The following ATG5 variants were observed in gnomAD, a reference collection of about 807,000 sequenced individuals.
The protein encoded by ATG5 is autophagy related 5, also known as autophagy protein 5.
A neutral mutation model predicts 36.5 loss-of-function variants in ATG5; 14 were observed. That is an observed-to-expected ratio of 0.38 (90% CI 0.25 to 0.60). ATG5 has a LOEUF of 0.60. Ranked by LOEUF, ATG5 falls within the 20% of genes least tolerant of loss-of-function variation. ATG5 has a pLI of 0.60. For synonymous variants in ATG5, 95 were observed against 101.5 expected (o/e 0.94, Z 0.38); for missense variants, 195 against 326.7 (o/e 0.60, Z 3.11).
At chr6:106,238,089 G>A (rs1174632650) in intron 6 of ATG5, among the ~76,000 whole-genome samples, 1 of 152,202 alleles carries the variant, frequency 6.6e-6, no homozygotes, top group Non-Finnish European at 1.5e-5. Context: ...AATCAGAAGT[G>A]AAGTCCTTTT....
chr6:106,200,245 C>T (rs1776365836), intron 7 of ATG5, among the ~76,000 whole-genome samples: 1 of 152,148 alleles, frequency 6.6e-6, no homozygotes, highest in Non-Finnish European at 1.5e-5. Flanking sequence ...CCCACTGTTC[C>T]TAATTCTACT....
At chr6:106,230,371 C>T (rs926652875) in intron 6 of ATG5, among the ~76,000 whole-genome samples, 2 of 152,178 alleles carry the variant, frequency 1.3e-5, no homozygotes, top group Non-Finnish European at 2.9e-5. Flanking sequence ...TACTCAGGAA[C>T]TCAGCCTAGC....
chr6:106,308,156 G>A (rs2114664537), intron 3 of ATG5, among the ~76,000 whole-genome samples: 1 of 152,218 alleles, frequency 6.6e-6, no homozygotes, highest in Non-Finnish European at 1.5e-5. Context: ...AAAAATATAT[G>A]AATCTGTCCA....
At chr6:106,198,396 TTTA>T (rs1776285528) in intron 7 of ATG5, among the ~76,000 whole-genome samples, 1 of 152,160 alleles carries the variant, frequency 6.6e-6, no homozygotes, top group Non-Finnish European at 1.5e-5. Context: ...GAAAAAAAGT[TTTA>T]GTTATTTAAC....
chr6:106,196,278 G>A (rs779110372), intron 7 of ATG5, among the ~76,000 whole-genome samples: 42 of 151,880 alleles, frequency 2.8e-4, no homozygotes, highest in Admixed American at 7.9e-4. Context: ...TAAAGAGTAA[G>A]GAAAAAGCAA....
At chr6:106,258,944 C>T (rs1778906300) in intron 5 of ATG5, among the ~76,000 whole-genome samples, 1 of 152,084 alleles carries the variant, frequency 6.6e-6, no homozygotes. Context: ...TTACTTGTTT[C>T]AACATGTTCA....
chr6:106,208,580 T>C (rs1582551355), intron 6 of ATG5, among the ~76,000 whole-genome samples: 1 of 151,980 alleles, frequency 6.6e-6, no homozygotes, highest in East Asian at 1.9e-4. Context: ...GGCAAAGTCA[T>C]TTTAACACTA....
At chr6:106,249,197 AG>A (rs200527521) in intron 5 of ATG5, among the ~76,000 whole-genome samples, 1,525 of 152,280 alleles carry the variant, frequency 0.01, 31 homozygotes, top group African/African-American at 0.035. Context: ...CAGTATATTC[AG>A]AGTTCAGAAC....
intron 5 of ATG5, 96 bp from the exon 6 acceptor site, chr6:106,248,340 G>C (rs2114514458): frequency 1.3e-6 from 1 of 745,212 alleles, no homozygotes; most frequent in East Asian, 2.7e-5. Context: ...CCCTCTAGAA[G>C]TTTCTGAAAG....
chr6:106,299,273 A>C (rs957753698), intron 3 of ATG5, among the ~76,000 whole-genome samples: 4 of 152,208 alleles, frequency 2.6e-5, no homozygotes, highest in Non-Finnish European at 5.9e-5. Context: ...ATTACTTATA[A>C]TACCTATTAC....
chr6:106,320,948 G>C (rs1161314886), intron 1 of ATG5, among the ~76,000 whole-genome samples: 1 of 152,218 alleles, frequency 6.6e-6, no homozygotes, highest in Non-Finnish European at 1.5e-5. Flanking sequence ...CTGACCTAGA[G>C]AGGTAGTCAT....
At chr6:106,216,396 T>A (rs1216061055) in intron 6 of ATG5, among the ~76,000 whole-genome samples, 3 of 152,194 alleles carry the variant, frequency 2.0e-5, no homozygotes, top group Non-Finnish European at 2.9e-5. Context: ...GGTATCTTCA[T>A]ACAACTATTA....
At chr6:106,218,937 T>C (rs1777143170) in intron 6 of ATG5, among the ~76,000 whole-genome samples, 1 of 151,982 alleles carries the variant, frequency 6.6e-6, no homozygotes, top group Admixed American at 6.6e-5. Flanking sequence ...AAAATACTTT[T>C]TAGATTACTG....
intron 6 of ATG5, among the ~76,000 whole-genome samples, chr6:106,242,395 T>A (rs1312276116): frequency 2.0e-5 from 3 of 152,168 alleles, no homozygotes; most frequent in Non-Finnish European, 4.4e-5. Flanking sequence ...TTGTATGAGG[T>A]ACCTATGGAT....
intron 3 of ATG5, 55 bp from the exon 4 acceptor site, chr6:106,293,161 A>G: frequency 1.4e-6 from 2 of 1,432,494 alleles, no homozygotes; most frequent in Non-Finnish European, 2.0e-6. Context: ...TATAACTACA[A>G]GGCCAAAATA....
At chr6:106,186,815 G>C in intron 7 of ATG5, 139 bp from the exon 8 acceptor site, 2 of 993,500 alleles carry the variant, frequency 2.0e-6, no homozygotes, top group South Asian at 1.7e-5. Flanking sequence ...TGTGGACATG[G>C]AGAAAGTTCA....
In ATG5 at chr6:106,318,352, A is replaced by G. The variant is rs528437010; in HGVS notation, c.-58-2086T>C. On this transcript the variant is annotated intron_variant, in intron 1 of 7. Coordinates refer to ENST00000369076, the MANE Select transcript of ATG5 (RefSeq NM_004849.4). ...TGACCATCCTGCTCTTTCTTTCCAT[A>G]ACATTCTCTTCTGTTTCTCCCTTCC... 1.2e-4 allele frequency among the ~76,000 whole-genome samples: 18 copies of G among 152,260 alleles called. No individual in the cohort carries two copies. The South Asian group carries it at 3.7e-3, about 32-fold the overall frequency.
chr6:106,211,263 T>C (rs940887147), intron 6 of ATG5, among the ~76,000 whole-genome samples: 1 of 152,170 alleles, frequency 6.6e-6, no homozygotes, highest in Non-Finnish European at 1.5e-5. Flanking sequence ...GGGGTGAAAC[T>C]TAACAGATGC....
chr6:106,263,942 A>T (rs1391997583), intron 5 of ATG5, among the ~76,000 whole-genome samples: 3 of 152,132 alleles, frequency 2.0e-5, no homozygotes, highest in African/African-American at 7.2e-5. Flanking sequence ...CTCTTCTCCA[A>T]ATGATCTCAA....
Sources: gnomAD v4.1 joint callset for allele counts (sites outside exome capture counted in the v4.1 genomes callset) on GRCh38, gnomAD v4.1.1 for gene constraint, MANE v1.5 for transcripts, NCBI Gene and HGNC (gene_info 2026-07-23, HGNC 2026-07-21) for gene names.